Variants in SH3D21 observed in about 807,000 individuals in gnomAD.
SH3D21 encodes the protein SH3 domain-containing protein 21.
In SH3D21, 83 loss-of-function variants were observed where a neutral mutation model predicts 82.1. The ratio of observed to expected loss-of-function variants is 1.01; its 90% CI spans 0.85 to 1.21. The LOEUF (loss-of-function observed/expected upper bound fraction) is 1.21, where lower values mean the gene tolerates loss of function less well. SH3D21 is among the 50% of genes most tolerant of loss of function. The pLI is 0.00. For synonymous variants in SH3D21, 383 were observed against 387.8 expected, an observed-to-expected ratio of 0.99 and a Z score of 0.15; for missense variants, 980 against 962.1, an observed-to-expected ratio of 1.02 and a Z score of -0.25.
chr1:36,322,293 C>T, downstream of SH3D21: 8 of 1,509,632 alleles, frequency 5.3e-6, no homozygotes, highest in Non-Finnish European at 6.2e-6. Context: ...AGCCGGGGCC[C>T]ATCAGTAATA....
chr1:36,307,328 A>G lies in SH3D21; in HGVS notation c.345+43A>G. Reference sequence around the variant, plus strand: ...GGGACCGTTTGGGGGAGGATGATGGAACGCGCCTCCCTAGTGAGCGGGGTG... The same window carrying G: ...GGGACCGTTTGGGGGAGGATGATGGGACGCGCCTCCCTAGTGAGCGGGGTG... On this transcript the variant is annotated intron_variant, in intron 4 of 15. Transcript: ENST00000453908. The surrounding 1 kb of genome is among the most constrained non-coding windows in gnomAD (Gnocchi z 5.4). The G allele has an allele frequency of 6.5e-7, 1 of 1,547,244 alleles. No individual in the cohort carries two copies.
At chr1:36,322,432 G>T (rs1468048763), downstream of SH3D21, 4 of 1,603,448 alleles carry the variant, frequency 2.5e-6, no homozygotes, top group Admixed American at 1.7e-5. Flanking sequence ...CGCTGCGCCC[G>T]CTCCAGCTCC....
chr1:36,313,280 C>A (rs1236770121), intron 10 of SH3D21, among the ~76,000 whole-genome samples: 2 of 151,586 alleles, frequency 1.3e-5, no homozygotes, highest in African/African-American at 4.8e-5. Flanking sequence ...GAGCCGAGAT[C>A]GCGTCACTGC....
chr1:36,321,257 GGGGCCTGCGCGGGGGCAGGGCCT>G lies in SH3D21; in HGVS notation c.*137_*159del, dbSNP rs1222609638. ...CCACGCCGGTCTGGTCGCTGGGGGCGGGGCCTGCGCGGGGGCAGGGCCTGGGCCTCCGCATTCCTGACGGTCCC... is the reference window on the plus strand; with the variant it reads ...CCACGCCGGTCTGGTCGCTGGGGGCGGGGCCTCCGCATTCCTGACGGTCCC... On this transcript the variant is annotated 3_prime_UTR_variant, in exon 16 of 16. Transcript: ENST00000453908. This position sits in a 1 kb window ranked among gnomAD's most constrained non-coding sequence, Gnocchi z 6.1. The G allele has an allele frequency of 4.1e-6, 6 of 1,467,650 alleles. No homozygotes were observed. The Admixed American group carries it at 9.6e-5, about 24-fold the overall frequency. 90.9% of individuals were successfully genotyped at this position (1,467,650 alleles called of 1,614,324 possible).
chr1:36,325,647 C>T (rs919769236), downstream of SH3D21, among the ~76,000 whole-genome samples: 22 of 152,096 alleles, frequency 1.4e-4, no homozygotes, highest in African/African-American at 5.1e-4. Flanking sequence ...CAGGTTCATG[C>T]CATTCTCCTG....
downstream of SH3D21, chr1:36,322,600 G>A: frequency 6.4e-7 from 1 of 1,556,514 alleles, no homozygotes; most frequent in Non-Finnish European, 8.7e-7. Flanking sequence ...GGGTCCCGGC[G>A]CTGAGCCGGG....
In SH3D21 at chr1:36,320,277, C is replaced by G. The variant is rs751774933; in HGVS notation, c.1614C>G (p.Pro538=). 1 of 1,612,758 alleles carries G rather than the reference C, an allele frequency of 6.2e-7. No individual in the cohort carries two copies. The highest frequency in any genetic ancestry group is 1.1e-5 in the South Asian group (1 of 91,050). ...CCCACACGCCAGAGGCACCCCCACC[C>G]CAGCCTCCTTCCTCAGAGAGGTGCC... is the stretch of plus-strand genomic sequence containing the variant. ...EEAHTPEAPP[P]QPPSSERCLG... Residue 538 remains proline, a synonymous_variant, in exon 14 of 16, where the codon CCC becomes CCG. Coordinates refer to ENST00000453908, the MANE Select transcript of SH3D21 (RefSeq NM_001162530.2).
Position 36,307,099 on chromosome 1 carries a change from T to G in SH3D21, c.227-68T>G. 1.3e-6 allele frequency: 2 copies of G among 1,542,142 alleles called. No homozygotes were observed. The highest frequency in any genetic ancestry group is 2.5e-5 in the East Asian group (1 of 40,750). On this transcript the variant is annotated intron_variant, in intron 3 of 15. Coordinates refer to ENST00000453908, the MANE Select transcript of SH3D21 (RefSeq NM_001162530.2). This position sits in a 1 kb window ranked among gnomAD's most constrained non-coding sequence, Gnocchi z 5.4. The stretch of plus-strand genomic sequence containing the variant: ...AGGGACCAAAGGCTACGTGCGCGCC[T>G]TGCGCTTCCCCCAGCTCCTCTGACT...
In SH3D21 at chr1:36,307,572, C is replaced by T; in HGVS notation, c.401C>T (p.Ser134Phe). Residue 134 changes from serine to phenylalanine, a missense_variant, in exon 5 of 16, where the codon TCC becomes TTC. By Grantham distance (155) the Ser-to-Phe change is radical (BLOSUM62 -2). Transcript: ENST00000453908. The surrounding 1 kb of genome is among the most constrained non-coding windows in gnomAD (Gnocchi z 5.4). ...AACGGGCAGCTGGGAGCCTTCCCAT[C>T]CAACTTTGTGGAATTGCTGGACAGT... is the stretch of plus-strand genomic sequence containing the variant. ...KKNGQLGAFP[S>F]NFVELLDSGP... 6.4e-7 allele frequency: 1 copy of T among 1,551,670 alleles called. No homozygotes were observed. Among genetic ancestry groups the T allele is most frequent in the Non-Finnish European group, 8.7e-7 (1 of 1,146,978 alleles).
downstream of SH3D21, chr1:36,329,167 C>T (rs773147702): frequency 1.3e-5 from 2 of 152,214 alleles, no homozygotes; most frequent in Non-Finnish European, 2.9e-5. Context: ...AATTAAAAAT[C>T]ATCCAATGGT....
chr1:36,328,366 T>C, downstream of SH3D21: 1 of 353,838 alleles, frequency 2.8e-6, no homozygotes, highest in Non-Finnish European at 5.6e-6. Flanking sequence ...AGGTCTTGGA[T>C]GGAGGGAAGA....
At chr1:36,321,498 T>C, downstream of SH3D21, 1 of 831,966 alleles carries the variant, frequency 1.2e-6, no homozygotes, top group Non-Finnish European at 1.6e-6. The surrounding 1 kb of genome is among the most constrained non-coding windows in gnomAD (Gnocchi z 6.1). Flanking sequence ...GATTCCGGAA[T>C]CCAGCTGTGC....
chr1:36,320,269 C>A lies in SH3D21; in HGVS notation c.1606C>A (p.Pro536Thr). The change falls in exon 14 of 16, where the codon CCC becomes ACC. Residue 536 changes from proline to threonine, a missense_variant. By Grantham distance (38) the Pro-to-Thr change is conservative. Transcript: ENST00000453908. ...GGAGGAGGCCCACACGCCAGAGGCA[C>A]CCCCACCCCAGCCTCCTTCCTCAGA... ...SQEEAHTPEA[P>T]PPQPPSSERC... 6.2e-7 allele frequency: 1 copy of A among 1,612,648 alleles called. No individual in the cohort carries two copies.
At chr1:36,323,695 T>C (rs902078480), downstream of SH3D21, 1 of 151,130 alleles carries the variant, frequency 6.6e-6, no homozygotes, top group African/African-American at 2.4e-5. Context: ...GGAAAAGGGC[T>C]GGGAGAGGAA....
downstream of SH3D21, chr1:36,322,808 G>T: frequency 1.3e-6 from 2 of 1,491,544 alleles, no homozygotes; most frequent in Non-Finnish European, 1.8e-6. Flanking sequence ...GGTTCTAGGT[G>T]TGGGGGCGAG....
At chr1:36,313,967 A>ATTTTTTTTTTTTTTTTTTTTTTTTT (rs1207014644) in intron 10 of SH3D21, among the ~76,000 whole-genome samples, 5 of 36,936 alleles carry the variant, frequency 1.4e-4, no homozygotes, top group Non-Finnish European at 2.5e-4. Context: ...TGCTGAACAT[A>ATTTTTTTTTTTTTTTTTTTTTTTTT]TTTTCTTTTT....
intron 10 of SH3D21, among the ~76,000 whole-genome samples, 167 bp from the exon 11 acceptor site, chr1:36,318,898 AAATAAT>A (rs58567392): frequency 0.22 from 31,471 of 140,132 alleles, 4,111 homozygotes; most frequent in Non-Finnish European, 0.3. Flanking sequence ...ACTCCATCTC[AAATAAT>A]AATAATAATA....
In SH3D21 at chr1:36,307,056, G is replaced by A; in HGVS notation, c.227-111G>A. ...GATTGGTTCTCGAGTGCAATGCTCCGCCCTGGGGCGGGGCTGGAGGGACCA... is the reference window on the plus strand; with the variant it reads ...GATTGGTTCTCGAGTGCAATGCTCCACCCTGGGGCGGGGCTGGAGGGACCA... On this transcript the variant is annotated intron_variant, in intron 3 of 15. Coordinates refer to ENST00000453908, the MANE Select transcript of SH3D21 (RefSeq NM_001162530.2). This position sits in a 1 kb window ranked among gnomAD's most constrained non-coding sequence, Gnocchi z 5.4. The A allele has an allele frequency of 1.3e-6, 2 of 1,491,066 alleles. No individual in the cohort carries two copies. Among genetic ancestry groups the A allele is most frequent in the Non-Finnish European group, 9.0e-7 (1 of 1,116,578 alleles). 92.4% of individuals were successfully genotyped at this position (1,491,066 alleles called of 1,614,324 possible). A position where few individuals can be genotyped will look rare whatever the true frequency, so the allele number is the denominator to read the frequency against.
At chr1:36,321,934 G>T, downstream of SH3D21, 1 of 1,112,720 alleles carries the variant, frequency 9.0e-7, no homozygotes, top group African/African-American at 1.6e-5. The surrounding 1 kb of genome is among the most constrained non-coding windows in gnomAD (Gnocchi z 6.1). Flanking sequence ...GGTGCAGCTA[G>T]GGTAAGGGAG....
Sources: gnomAD v4.1 joint callset for allele counts (sites outside exome capture counted in the v4.1 genomes callset) on GRCh38, gnomAD v4.1.1 for gene constraint, Gnocchi (gnomAD v3.1) non-coding constraint, MANE v1.5 for transcripts, NCBI Gene and HGNC (gene_info 2026-07-23, HGNC 2026-07-21) for gene names.